The following ZNF804B variants were observed in gnomAD, a reference collection of about 807,000 sequenced individuals.
ZNF804B encodes the protein zinc finger 804B.
A neutral mutation model predicts 101.4 loss-of-function variants in ZNF804B; 80 were observed. The ratio of observed to expected loss-of-function variants is 0.79; its 90% CI spans 0.66 to 0.95. The LOEUF is 0.95. Ranked by LOEUF, ZNF804B falls within the 40% of genes least tolerant of loss-of-function variation. The probability of loss-of-function intolerance (pLI) is 0.00; values close to 1 mark genes in which losing one functional copy is unlikely to be tolerated. For missense variants in ZNF804B, 1,673 were observed against 1,561.9 expected (o/e 1.07, Z -1.20); for synonymous variants, 622 against 558.8 (o/e 1.11, Z -1.59).
chr7:89,173,111 C>T (rs531771737), intron 1 of ZNF804B, among the ~76,000 whole-genome samples: 25 of 152,156 alleles, frequency 1.6e-4, no homozygotes, highest in Non-Finnish European at 3.2e-4. Context: ...TAACAAAGGA[C>T]CTAAAATTAA....
intron 2 of ZNF804B, among the ~76,000 whole-genome samples, chr7:89,221,033 G>A (rs2115709984): frequency 6.6e-6 from 1 of 151,904 alleles, no homozygotes; most frequent in East Asian, 1.9e-4. Flanking sequence ...CTTCCATAAG[G>A]AGGCATATAA....
chr7:88,988,138 T>C (rs542978629), intron 1 of ZNF804B, among the ~76,000 whole-genome samples: 1 of 152,082 alleles, frequency 6.6e-6, no homozygotes, highest in African/African-American at 2.4e-5. Flanking sequence ...TCCATGTTCT[T>C]ATTAGTTTAT....
intron 1 of ZNF804B, among the ~76,000 whole-genome samples, chr7:88,848,002 T>C (rs1206335805): frequency 6.6e-6 from 1 of 152,200 alleles, no homozygotes; most frequent in Non-Finnish European, 1.5e-5. Context: ...TAATTTGGTA[T>C]GGCTAGAGCA....
chr7:89,062,211 T>G (rs1299719605), intron 1 of ZNF804B, among the ~76,000 whole-genome samples: 1 of 152,146 alleles, frequency 6.6e-6, no homozygotes, highest in African/African-American at 2.4e-5. Flanking sequence ...TTAGAAATCA[T>G]TCTGTGGATC....
chr7:89,123,729 T>C (rs1188855458), intron 1 of ZNF804B, among the ~76,000 whole-genome samples: 1 of 151,966 alleles, frequency 6.6e-6, no homozygotes, highest in Non-Finnish European at 1.5e-5. Flanking sequence ...GTATTAATGT[T>C]ATTACCCTTT....
At chr7:89,109,159 G>C (rs906908977) in intron 1 of ZNF804B, among the ~76,000 whole-genome samples, 2 of 152,022 alleles carry the variant, frequency 1.3e-5, no homozygotes, top group Non-Finnish European at 2.9e-5. Flanking sequence ...GAAAATACTT[G>C]GATCATGGCA....
chr7:88,916,868 A>G (rs1009704992), intron 1 of ZNF804B, among the ~76,000 whole-genome samples: 7 of 152,168 alleles, frequency 4.6e-5, no homozygotes, highest in African/African-American at 1.4e-4. Flanking sequence ...TGTACTTAAG[A>G]GTGTTAATAG....
At position 89,220,060 on chromosome 7, in the gene ZNF804B, TAC is replaced by T. The variant is rs1788973723; in HGVS notation, c.249+1766_249+1767del. On this transcript the variant is annotated intron_variant, in intron 2 of 3. Coordinates refer to ENST00000333190, the MANE Select transcript of ZNF804B (RefSeq NM_181646.5). ...ACATATATGTGCATATATACATATA[TAC>T]GCACATATATGTGTATATACATATA... is the stretch of plus-strand genomic sequence containing the variant. 5.4e-5 allele frequency among the ~76,000 whole-genome samples: 7 copies of T among 130,304 alleles called. 1 individual carries two copies. Among genetic ancestry groups the T allele is most frequent in the African/African-American group, 2.1e-4 (7 of 32,778 alleles). 85.5% of individuals were successfully genotyped at this position (130,304 alleles called of 152,430 possible).
At chr7:89,102,022 A>G (rs905293110) in intron 1 of ZNF804B, among the ~76,000 whole-genome samples, 1 of 151,884 alleles carries the variant, frequency 6.6e-6, no homozygotes, top group African/African-American at 2.4e-5. Context: ...CCATTCATTT[A>G]TAGCTGTGTA....
At chr7:89,126,149 T>C (rs1381528559) in intron 1 of ZNF804B, among the ~76,000 whole-genome samples, 5 of 151,948 alleles carry the variant, frequency 3.3e-5, no homozygotes, top group African/African-American at 1.2e-4. Context: ...TTTAAGAAAA[T>C]GAATTTCTTG....
intron 1 of ZNF804B, among the ~76,000 whole-genome samples, chr7:89,150,308 G>A (rs1283802191): frequency 6.6e-6 from 1 of 151,970 alleles, no homozygotes; most frequent in Non-Finnish European, 1.5e-5. Flanking sequence ...ATAAGGGGAA[G>A]CTACTGTAAT....
chr7:88,773,319 C>A (rs1470248961), intron 1 of ZNF804B, among the ~76,000 whole-genome samples: 1 of 152,074 alleles, frequency 6.6e-6, no homozygotes, highest in Non-Finnish European at 1.5e-5. Flanking sequence ...GTAGCAGAAA[C>A]CTGGATATAG....
intron 1 of ZNF804B, among the ~76,000 whole-genome samples, chr7:88,844,869 A>C (rs914237305): frequency 6.6e-6 from 1 of 152,224 alleles, no homozygotes; most frequent in Non-Finnish European, 1.5e-5. Context: ...GGAGTTAAAT[A>C]ATCCTTAATT....
chr7:89,207,800 A>G (rs940887516), intron 1 of ZNF804B, among the ~76,000 whole-genome samples: 1 of 151,844 alleles, frequency 6.6e-6, no homozygotes, highest in African/African-American at 2.4e-5. Context: ...ACATTTATTA[A>G]TTCATGTATT....
chr7:88,940,548 T>A (rs1161986165), intron 1 of ZNF804B, among the ~76,000 whole-genome samples: 1 of 151,682 alleles, frequency 6.6e-6, no homozygotes, highest in Non-Finnish European at 1.5e-5. Flanking sequence ...GGCAGGAGGA[T>A]TGCTTGAGTC....
intron 1 of ZNF804B, among the ~76,000 whole-genome samples, chr7:88,874,236 T>C (rs1204282676): frequency 6.6e-6 from 1 of 152,156 alleles, no homozygotes; most frequent in African/African-American, 2.4e-5. Flanking sequence ...GAAGCAATTG[T>C]GAATGGGAGT....
chr7:88,809,881 C>A (rs558939155), intron 1 of ZNF804B, among the ~76,000 whole-genome samples: 86 of 152,288 alleles, frequency 5.6e-4, no homozygotes, highest in African/African-American at 1.9e-3. Context: ...AGTAACCATC[C>A]TGACCTTTCT....
chr7:89,171,288 GCTTCTTCTTCTTCTTCTTCTTCTT>G (rs1203060273), intron 1 of ZNF804B, among the ~76,000 whole-genome samples: 6 of 82,482 alleles, frequency 7.3e-5, no homozygotes, highest in East Asian at 5.5e-4. Context: ...TGCTGCTGCT[GCTTCTTCTTCTTCTTCTTCTTCTT>G]CTTCTTCTTC....
intron 2 of ZNF804B, among the ~76,000 whole-genome samples, chr7:89,260,379 G>A (rs34808666): frequency 0.17 from 25,729 of 151,052 alleles, 2,795 homozygotes; most frequent in African/African-American, 0.3. Context: ...TTTTTTCCTT[G>A]TTAAAAACCT....
Sources: gnomAD v4.1 joint callset for allele counts (sites outside exome capture counted in the v4.1 genomes callset) on GRCh38, gnomAD v4.1.1 for gene constraint, MANE v1.5 for transcripts, NCBI Gene and HGNC (gene_info 2026-07-23, HGNC 2026-07-21) for gene names.